The following SHANK2 variants were observed in gnomAD, a reference collection of about 807,000 sequenced individuals.
SHANK2 encodes SH3 and multiple ankyrin repeat domains 2, also known as SH3 and multiple ankyrin repeat domains protein 2.
A neutral mutation model predicts 133.7 loss-of-function variants in SHANK2; 43 were observed. The ratio of observed to expected loss-of-function variants is 0.32; its 90% CI spans 0.25 to 0.41. SHANK2 has a LOEUF of 0.41. Among genes scored for constraint, SHANK2 ranks in the 10% least tolerant of loss-of-function variants. The probability of loss-of-function intolerance (pLI) is 1.00; values close to 1 mark genes in which losing one functional copy is unlikely to be tolerated. For missense variants in SHANK2, 1,994 were observed against 2,235.8 expected, an observed-to-expected ratio of 0.89 and a Z score of 2.18; for synonymous variants, 1,017 against 952.8, an observed-to-expected ratio of 1.07 and a Z score of -1.24.
intron 10 of SHANK2, chr11:70,908,116 T>C (rs1565398935): frequency 7.5e-6 from 2 of 266,298 alleles, no homozygotes. Context: ...AAAAAAAAAA[T>C]CTTAATAAAC....
intron 15 of SHANK2, among the ~76,000 whole-genome samples, chr11:70,674,866 G>A (rs1261821370): frequency 1.3e-5 from 2 of 152,240 alleles, no homozygotes; most frequent in African/African-American, 4.8e-5. Context: ...GCCAGATTTG[G>A]CCTGTGGGCT....
rs1555149286 is a variant in SHANK2, at chr11:70,473,373, G to A, written c.5046C>T (p.Pro1682=). 20 of 1,611,808 alleles carry A rather than the reference G, an allele frequency of 1.2e-5. No individual in the cohort carries two copies. Among genetic ancestry groups the A allele is most frequent in the South Asian group, 2.2e-5 (2 of 91,086 alleles). ...RSTTVTFTVR[P]GTSQPITLQS... is the part of the protein sequence containing the mutation. Reference sequence around the variant, plus strand: ...GCAGGGTGATGGGCTGGGAGGTGCCGGGGCGAACAGTGAAGGTGACCGTCG... The same window carrying A: ...GCAGGGTGATGGGCTGGGAGGTGCCAGGGCGAACAGTGAAGGTGACCGTCG... Residue 1682 remains proline (P), a synonymous_variant, in exon 26 of 26, where the codon CCC becomes CCT. Transcript: ENST00000601538. This position sits in a 1 kb window ranked among gnomAD's most constrained non-coding sequence, Gnocchi z 5.9.
intron 10 of SHANK2, among the ~76,000 whole-genome samples, chr11:70,949,298 C>T (rs1476019628): frequency 1.3e-5 from 2 of 152,328 alleles, no homozygotes; most frequent in Middle Eastern, 3.4e-3. Context: ...TGAAAGTGGG[C>T]GAAGAACCCT....
At chr11:70,774,125 T>C (rs1555043408) in intron 14 of SHANK2, among the ~76,000 whole-genome samples, 1 of 152,116 alleles carries the variant, frequency 6.6e-6, no homozygotes, top group African/African-American at 2.4e-5. Context: ...AACTCAGCCA[T>C]AAGAAGCAGT....
At chr11:71,190,312 C>T (rs1023006077) in intron 2 of SHANK2, among the ~76,000 whole-genome samples, 1 of 152,216 alleles carries the variant, frequency 6.6e-6, no homozygotes, top group Non-Finnish European at 1.5e-5. Flanking sequence ...AGAAGGCTTT[C>T]GCTTCTTGTG....
chr11:71,212,918 C>T (rs557744129), intron 2 of SHANK2, among the ~76,000 whole-genome samples: 53 of 150,768 alleles, frequency 3.5e-4, no homozygotes, highest in African/African-American at 1.2e-3. Context: ...GAGCAGGGAC[C>T]CCAGGCGGAG....
chr11:70,529,982 G>A (rs782499169), intron 17 of SHANK2, among the ~76,000 whole-genome samples: 12 of 152,260 alleles, frequency 7.9e-5, no homozygotes, highest in Middle Eastern at 3.4e-3. Context: ...AGGATGGTGC[G>A]GCTGCTATGA....
intron 17 of SHANK2, among the ~76,000 whole-genome samples, chr11:70,636,214 C>T (rs943199686): frequency 1.3e-5 from 2 of 152,012 alleles, no homozygotes; most frequent in South Asian, 2.1e-4. Context: ...CATGTCAGCA[C>T]GTGTGTGTGT....
intron 11 of SHANK2, among the ~76,000 whole-genome samples, chr11:70,861,379 A>G (rs1949255987): frequency 6.6e-6 from 1 of 152,212 alleles, no homozygotes; most frequent in Admixed American, 6.5e-5. Flanking sequence ...TATTAAGATG[A>G]AAATTTATGT....
At position 71,226,816 on chromosome 11, in the gene SHANK2, T is replaced by C. The variant is rs375176792; in HGVS notation, c.-112-2020A>G. ...AATAAAAGAAGGAGTTTTGGAACAT[T>C]AGGAAGGAAAAAAGTATGGTAAGCA... On this transcript the variant is annotated intron_variant, in intron 1 of 25. Transcript: ENST00000601538. 3.3e-5 allele frequency: 5 copies of C among 151,964 alleles called. No individual in the cohort carries two copies. In the East Asian group the frequency reaches 5.8e-4, roughly 18 times the overall value. 9.4% of individuals were successfully genotyped at this position (151,964 alleles called of 1,614,324 possible). A position where few individuals can be genotyped will look rare whatever the true frequency, so the allele number is the denominator to read the frequency against.
At chr11:70,860,477 A>T (rs577059089) in intron 11 of SHANK2, among the ~76,000 whole-genome samples, 2 of 152,354 alleles carry the variant, frequency 1.3e-5, no homozygotes, top group Admixed American at 1.3e-4. Flanking sequence ...GAATTAGACC[A>T]ACAGAGTGTG....
chr11:70,644,017 G>A (rs191843701), intron 17 of SHANK2, among the ~76,000 whole-genome samples: 13 of 152,250 alleles, frequency 8.5e-5, no homozygotes, highest in South Asian at 4.1e-4. Context: ...TGTACGTGGC[G>A]GCGAGCAGGG....
chr11:70,766,406 C>T (rs1555041393), intron 14 of SHANK2, among the ~76,000 whole-genome samples: 1 of 152,182 alleles, frequency 6.6e-6, no homozygotes, highest in Non-Finnish European at 1.5e-5. Flanking sequence ...TGAATAACAG[C>T]ACGTCTTGGA....
At chr11:70,917,988 G>A (rs11606779) in intron 10 of SHANK2, among the ~76,000 whole-genome samples, 149,132 of 152,078 alleles carry the variant, frequency 0.98, 73,193 homozygotes, top group East Asian at 1. Flanking sequence ...AAACCTGCCC[G>A]TTCTGCACAT....
chr11:70,528,096 A>G (rs2059422075), intron 17 of SHANK2, among the ~76,000 whole-genome samples: 1 of 152,244 alleles, frequency 6.6e-6, no homozygotes, highest in Admixed American at 6.5e-5. Context: ...GGCAGAAGGT[A>G]GGAACCAGGA....
chr11:70,537,405 A>G (rs547001564), intron 17 of SHANK2, among the ~76,000 whole-genome samples: 87 of 152,366 alleles, frequency 5.7e-4, no homozygotes, highest in African/African-American at 2.0e-3. Flanking sequence ...AAATCCAATG[A>G]CACGTGTTCT....
chr11:70,553,097 C>T (rs551135785), intron 17 of SHANK2, among the ~76,000 whole-genome samples: 35 of 152,072 alleles, frequency 2.3e-4, no homozygotes, highest in Non-Finnish European at 4.7e-4. Flanking sequence ...TTAATAATCT[C>T]CTTTATTTTT....
At chr11:70,862,681 A>T (rs1555068042) in intron 11 of SHANK2, 1 of 219,874 alleles carries the variant, frequency 4.5e-6, no homozygotes, top group African/African-American at 2.7e-5. Flanking sequence ...GCTGATGGAC[A>T]GGACTGTGGA....
intron 10 of SHANK2, among the ~76,000 whole-genome samples, chr11:70,933,437 C>A (rs1344279717): frequency 6.6e-6 from 1 of 152,188 alleles, no homozygotes; most frequent in Non-Finnish European, 1.5e-5. Flanking sequence ...TTCTGGTAGT[C>A]ATGGCTACAC....
Sources: gnomAD v4.1 joint callset for allele counts (sites outside exome capture counted in the v4.1 genomes callset) on GRCh38, gnomAD v4.1.1 for gene constraint, Gnocchi (gnomAD v3.1) non-coding constraint, MANE v1.5 for transcripts, NCBI Gene and HGNC (gene_info 2026-07-23, HGNC 2026-07-21) for gene names.